PTPN3: variants seen among roughly 807,000 people sequenced by gnomAD.
PTPN3 encodes the protein protein tyrosine phosphatase non-receptor type 3, also known as tyrosine-protein phosphatase non-receptor type 3.
A neutral mutation model predicts 132.7 loss-of-function variants in PTPN3; 96 were observed. The observed-to-expected ratio is 0.72, with a 90% CI of 0.61 to 0.86. The LOEUF (loss-of-function observed/expected upper bound fraction) is 0.86. PTPN3 is among the 40% of genes least tolerant of loss of function. The pLI is 0.00. For synonymous variants in PTPN3, 398 were observed against 429.0 expected (o/e 0.93, Z 0.89); for missense variants, 1,125 against 1,159.6 (o/e 0.97, Z 0.43).
At chr9:109,513,455 C>T in the PTPN3 span, among the ~76,000 whole-genome samples, 1 of 152,082 alleles carries the variant, frequency 6.6e-6, no homozygotes, top group African/African-American at 2.4e-5. Flanking sequence ...TTATCCTGTT[C>T]CCCCCCAGAA....
intron 2 of PTPN3, among the ~76,000 whole-genome samples, chr9:109,461,892 C>T (rs1258267849): frequency 1.3e-5 from 2 of 152,210 alleles, no homozygotes; most frequent in Non-Finnish European, 2.9e-5. Context: ...TTGGACAGTC[C>T]TCCTGAGAGG....
At chr9:109,387,850 C>T (rs781200993) in intron 22 of PTPN3, among the ~76,000 whole-genome samples, 1 of 152,168 alleles carries the variant, frequency 6.6e-6, no homozygotes, top group African/African-American at 2.4e-5. Flanking sequence ...TATTCAATTG[C>T]AATGTTTCTA....
At position 109,383,329 on chromosome 9, in the gene PTPN3, C is replaced by T. The variant is rs1201510207; in HGVS notation, c.2382+94G>A. The T allele has an allele frequency of 3.7e-6, 6 of 1,602,966 alleles. No homozygotes were observed. The African/African-American group carries it at 5.3e-5, about 14-fold the overall frequency. ...TACTGACACGCTTGCCAGGTGCAAA[C>T]AGAGTGCACACCTAGAAGCGTGACC... On this transcript the variant is annotated intron_variant, in intron 23 of 25. Transcript: ENST00000374541.
chr9:109,403,682 A>G (rs1841332431), intron 19 of PTPN3, among the ~76,000 whole-genome samples: 1 of 152,222 alleles, frequency 6.6e-6, no homozygotes, highest in East Asian at 1.9e-4. Flanking sequence ...TCTATTTTAA[A>G]CAACGACAAC....
chr9:109,418,140 C>T (rs755598648), intron 14 of PTPN3, among the ~76,000 whole-genome samples: 1 of 152,198 alleles, frequency 6.6e-6, no homozygotes, highest in Non-Finnish European at 1.5e-5. Context: ...CCTAAGCCCC[C>T]CTTTTCCTTT....
In PTPN3 at chr9:109,403,376, ATTG is replaced by A. The variant is rs1395672006; in HGVS notation, c.1953+1069_1953+1071del. Among the ~76,000 whole-genome samples the A allele has an allele frequency of 2.6e-5, 4 of 152,206 alleles. No individual in the cohort carries two copies. The South Asian group carries it at 8.3e-4, about 32-fold the overall frequency. ...TATGTGGTTTTCTAATAAATAATGC[ATTG>A]TTGATTTCTGTTCTTGAGTCCCATG... On this transcript the variant is annotated intron_variant, in intron 19 of 25. Coordinates refer to ENST00000374541, the MANE Select transcript of PTPN3 (RefSeq NM_002829.4).
At chr9:109,447,338 A>T (rs996149602) in intron 6 of PTPN3, among the ~76,000 whole-genome samples, 1 of 152,018 alleles carries the variant, frequency 6.6e-6, no homozygotes, top group African/African-American at 2.4e-5. Context: ...GAAGAGAAGG[A>T]AAGAATGGGT....
At chr9:109,449,852 G>C in intron 5 of PTPN3, 1 of 985,274 alleles carries the variant, frequency 1.0e-6, no homozygotes, top group Non-Finnish European at 1.2e-6. Flanking sequence ...AAAGGCCAAG[G>C]AACTGGCTTT....
chr9:109,474,374 T>C (rs1210741202), intron 1 of PTPN3, among the ~76,000 whole-genome samples: 1 of 152,230 alleles, frequency 6.6e-6, no homozygotes, highest in African/African-American at 2.4e-5. Context: ...CCGCATCATT[T>C]ACTCTCTCGA....
At chr9:109,429,134 C>A in intron 10 of PTPN3, 14 of 843,632 alleles carry the variant, frequency 1.7e-5, no homozygotes, top group Non-Finnish European at 1.9e-5. Context: ...AATTTAGTCA[C>A]CATTAACTGA....
intron 18 of PTPN3, among the ~76,000 whole-genome samples, chr9:109,405,032 C>T (rs1841444164): frequency 6.6e-6 from 1 of 152,166 alleles, no homozygotes; most frequent in Non-Finnish European, 1.5e-5. Context: ...AGGGTGAGGT[C>T]CCAAGCTTTT....
the PTPN3 span, among the ~76,000 whole-genome samples, chr9:109,537,666 G>T: frequency 1.3e-5 from 2 of 152,138 alleles, no homozygotes; most frequent in African/African-American, 4.8e-5. Flanking sequence ...TTCCTGACAC[G>T]CCAATTGTGT....
intron 16 of PTPN3, among the ~76,000 whole-genome samples, chr9:109,408,712 A>G (rs1309627066): frequency 6.6e-6 from 1 of 151,116 alleles, no homozygotes. Context: ...GGGACTCCAC[A>G]GCATGTCTTC....
intron 22 of PTPN3, among the ~76,000 whole-genome samples, chr9:109,384,363 G>T (rs1402503893): frequency 6.6e-6 from 1 of 152,194 alleles, no homozygotes; most frequent in Non-Finnish European, 1.5e-5. Flanking sequence ...GCCCTAAAGA[G>T]GTGATATCCC....
chr9:109,532,475 T>G, the PTPN3 span, among the ~76,000 whole-genome samples: 1 of 152,096 alleles, frequency 6.6e-6, no homozygotes, highest in Non-Finnish European at 1.5e-5. Context: ...AAAAATCAAG[T>G]TGTAAACTTT....
chr9:109,531,361 G>A, the PTPN3 span, among the ~76,000 whole-genome samples: 1 of 152,202 alleles, frequency 6.6e-6, no homozygotes, highest in South Asian at 2.1e-4. Flanking sequence ...GAAGGGCTAA[G>A]ACAAGCTGGA....
intron 21 of PTPN3, 101 bp from the exon 22 acceptor site, chr9:109,389,480 A>T: frequency 8.3e-7 from 1 of 1,210,148 alleles, no homozygotes; most frequent in Non-Finnish European, 1.1e-6. Flanking sequence ...ATTGCACCAG[A>T]AAAATTATCT....
intron 22 of PTPN3, among the ~76,000 whole-genome samples, chr9:109,387,858 CTAA>C (rs1839724985): frequency 6.6e-6 from 1 of 152,152 alleles, no homozygotes; most frequent in Non-Finnish European, 1.5e-5. Context: ...TGCAATGTTT[CTAA>C]GAAGAAACCC....
At chr9:109,459,254 G>C (rs1019063516) in intron 2 of PTPN3, among the ~76,000 whole-genome samples, 2 of 152,254 alleles carry the variant, frequency 1.3e-5, no homozygotes, top group Admixed American at 6.5e-5. Flanking sequence ...ACCAGGGCTC[G>C]CTCCCTGGGC....
Sources: allele counts gnomAD v4.1 joint callset (sites outside exome capture counted in the v4.1 genomes callset), GRCh38; gene constraint gnomAD v4.1.1; transcripts MANE v1.5; gene names NCBI Gene and HGNC (gene_info 2026-07-23, HGNC 2026-07-21).